BRIP1: variants seen among roughly 807,000 people sequenced by gnomAD.
BRIP1 encodes the protein Fanconi anemia group J protein.
In BRIP1, 88 loss-of-function variants were observed where a neutral mutation model predicts 119.7. The observed-to-expected ratio is 0.74, with a 90% CI of 0.62 to 0.88. The LOEUF (loss-of-function observed/expected upper bound fraction) is 0.88, where lower values mean the gene tolerates loss of function less well. BRIP1 is among the 40% of genes least tolerant of loss of function. The probability of loss-of-function intolerance (pLI) is 0.00; values close to 1 mark genes in which losing one functional copy is unlikely to be tolerated. For synonymous variants in BRIP1, 443 were observed against 496.5 expected (o/e 0.89, Z 1.43); for missense variants, 1,259 against 1,455.4 (o/e 0.87, Z 2.20).
intron 6 of BRIP1, among the ~76,000 whole-genome samples, chr17:61,821,636 C>A (rs1237675556): frequency 6.6e-6 from 1 of 151,866 alleles, no homozygotes; most frequent in South Asian, 2.1e-4. Flanking sequence ...TTTAAGCAAT[C>A]CTCCTGCCTC....
In BRIP1 at chr17:61,689,032, T is replaced by TGTTATGTTATGTTATGTTATGTTAC. The variant is rs2061405544; in HGVS notation, c.2576-2868_2576-2867insGTAACATAACATAACATAACATAAC. Among the ~76,000 whole-genome samples, 1 of 151,182 alleles carries TGTTATGTTATGTTATGTTATGTTAC rather than the reference T, an allele frequency of 6.6e-6. No individual in the cohort carries two copies. Among genetic ancestry groups the TGTTATGTTATGTTATGTTATGTTAC allele is most frequent in the South Asian group, 2.1e-4 (1 of 4,770 alleles). On this transcript the variant is annotated intron_variant, in intron 18 of 19. Coordinates refer to ENST00000259008, the MANE Select transcript of BRIP1 (RefSeq NM_032043.3). This position sits in a 1 kb window ranked among gnomAD's most constrained non-coding sequence, Gnocchi z 4.5. ...ATTTTATATATTTTATATTCTGTTATGTTATGTTATGTTATGTTATGTTAT... is the reference window on the plus strand; with the variant it reads ...ATTTTATATATTTTATATTCTGTTATGTTATGTTATGTTATGTTATGTTACGTTATGTTATGTTATGTTATGTTAT...
chr17:61,766,267 T>C (rs1187159632), intron 14 of BRIP1, among the ~76,000 whole-genome samples: 4 of 152,148 alleles, frequency 2.6e-5, no homozygotes, highest in African/African-American at 2.4e-5. Context: ...TAAATGTTTG[T>C]CAAATGAATA....
chr17:61,761,154 A>G lies in BRIP1; in HGVS notation c.2097+15247T>C, dbSNP rs911539581. ...ATTAATAGAATGAAGGACAAAAACC[A>G]TATGATCATCTCATTAGATGTAGAA... On this transcript the variant is annotated intron_variant, in intron 14 of 19. Coordinates refer to ENST00000259008, the MANE Select transcript of BRIP1 (RefSeq NM_032043.3). This position sits in a 1 kb window ranked among gnomAD's most constrained non-coding sequence, Gnocchi z 6.4. 3.3e-5 allele frequency among the ~76,000 whole-genome samples: 5 copies of G among 152,106 alleles called. No homozygotes were observed. Among genetic ancestry groups the G allele is most frequent in the Admixed American group, 6.6e-5 (1 of 15,252 alleles).
intron 5 of BRIP1, 98 bp from the exon 6 acceptor site, chr17:61,847,318 G>T: frequency 7.4e-7 from 1 of 1,347,536 alleles, no homozygotes; most frequent in Non-Finnish European, 1.0e-6. Flanking sequence ...TTTTTTTCCT[G>T]CATCCAAAAA....
chr17:61,804,723 A>C lies in BRIP1; in HGVS notation c.919-3249T>G, dbSNP rs1468932535. ...AATACATAATAATTTCCCCATATAT[A>C]TATATTCAAAATATTTTTGTCTAAT... On this transcript the variant is annotated intron_variant, in intron 7 of 19. Coordinates refer to ENST00000259008, the MANE Select transcript of BRIP1 (RefSeq NM_032043.3). This position sits in a 1 kb window ranked among gnomAD's most constrained non-coding sequence, Gnocchi z 4.5. Among the ~76,000 whole-genome samples the C allele has an allele frequency of 2.0e-5, 3 of 151,810 alleles. No homozygotes were observed. The highest frequency in any genetic ancestry group is 7.3e-5 in the African/African-American group (3 of 41,378).
At chr17:61,711,180 TG>T (rs1451333982) in intron 17 of BRIP1, among the ~76,000 whole-genome samples, 2 of 152,170 alleles carry the variant, frequency 1.3e-5, no homozygotes, top group Non-Finnish European at 2.9e-5. Flanking sequence ...GGAGAAGGTT[TG>T]TAAACGAGAA....
At chr17:61,783,409 GTTA>G (rs2077653402) in intron 11 of BRIP1, among the ~76,000 whole-genome samples, 1 of 152,082 alleles carries the variant, frequency 6.6e-6, no homozygotes, top group African/African-American at 2.4e-5. Context: ...GACTCTAGGG[GTTA>G]TTATTTCATG....
At position 61,765,966 on chromosome 17, in the gene BRIP1, T is replaced by C. The variant is rs528561310; in HGVS notation, c.2097+10435A>G. On this transcript the variant is annotated intron_variant, in intron 14 of 19. Coordinates refer to ENST00000259008, the MANE Select transcript of BRIP1 (RefSeq NM_032043.3). ...TAACATCCTCTTTCAGAGTAGCTCT[T>C]ATATCTATCTTCCTAACAGTTTAGC... is the stretch of plus-strand genomic sequence containing the variant. Among the ~76,000 whole-genome samples the C allele has an allele frequency of 3.9e-5, 6 of 152,190 alleles. No homozygotes were observed. In the Middle Eastern group the frequency reaches 0.014, roughly 345 times the overall value.
At position 61,683,196 on chromosome 17, in the gene BRIP1, A is replaced by T. The variant is rs1331622109; in HGVS notation, c.*100T>A. On this transcript the variant is annotated 3_prime_UTR_variant, in exon 20 of 20. Transcript: ENST00000259008. The surrounding 1 kb of genome is among the most constrained non-coding windows in gnomAD (Gnocchi z 4.7). ...ATTTCTGAACATAAAATAGTTTTTTAAAAAGTATGCCACTTATTCAATTTA... is the reference window on the plus strand; with the variant it reads ...ATTTCTGAACATAAAATAGTTTTTTTAAAAGTATGCCACTTATTCAATTTA... 3 of 1,351,730 alleles carry T rather than the reference A, an allele frequency of 2.2e-6. No individual in the cohort carries two copies. Among genetic ancestry groups the T allele is most frequent in the Non-Finnish European group, 3.1e-6 (3 of 975,536 alleles). The allele number at this position is 1,351,730 out of a possible 1,614,324, so 83.7% of individuals were successfully genotyped here. A position where few individuals can be genotyped will look rare whatever the true frequency, so the allele number is the denominator to read the frequency against.
rs2078962578 is a variant in BRIP1, at chr17:61,860,736, A to G, written c.93+711T>C. Among the ~76,000 whole-genome samples, 1 of 152,218 alleles carries G rather than the reference A, an allele frequency of 6.6e-6. No individual in the cohort carries two copies. The highest frequency in any genetic ancestry group is 1.5e-5 in the Non-Finnish European group (1 of 68,044). On this transcript the variant is annotated intron_variant, in intron 2 of 19. Coordinates refer to ENST00000259008, the MANE Select transcript of BRIP1 (RefSeq NM_032043.3). This position sits in a 1 kb window ranked among gnomAD's most constrained non-coding sequence, Gnocchi z 4.1. Reference sequence around the variant, plus strand: ...AAGAATGTAAACAACCTAAATGTCTACCAATAAGAAAATGGACAGATAAAT... The same window carrying G: ...AAGAATGTAAACAACCTAAATGTCTGCCAATAAGAAAATGGACAGATAAAT...
rs1567804655 is a variant in BRIP1 at position 61,772,185 on chromosome 17, ATATATATATATATATATATATAT to A, written c.2097+4193_2097+4215del. ...TATATATATATATATATATATATAT[ATATATATATATATATATATATAT>A]AAAATGAAATATTATTCTGCCATAA... On this transcript the variant is annotated intron_variant, in intron 14 of 19. Coordinates refer to ENST00000259008, the MANE Select transcript of BRIP1 (RefSeq NM_032043.3). Among the ~76,000 whole-genome samples, 30 of 83,362 alleles carry A rather than the reference ATATATATATATATATATATATAT, an allele frequency of 3.6e-4. 1 individual carries two copies. Among genetic ancestry groups the A allele is most frequent in the Non-Finnish European group, 8.0e-4 (28 of 34,924 alleles). 54.7% of individuals were successfully genotyped at this position (83,362 alleles called of 152,430 possible). A position where few individuals can be genotyped will look rare whatever the true frequency, so the allele number is the denominator to read the frequency against.
rs2078129831 is a variant in BRIP1, at chr17:61,809,520, A to G, written c.628-763T>C. Among the ~76,000 whole-genome samples, 1 of 152,108 alleles carries G rather than the reference A, an allele frequency of 6.6e-6. No individual in the cohort carries two copies. The highest frequency in any genetic ancestry group is 1.5e-5 in the Non-Finnish European group (1 of 67,998). The stretch of plus-strand genomic sequence containing the variant: ...TAAACAAACCATATGGAACATCAGG[A>G]ATATAGTCTACTTAATTTACCTGAT... On this transcript the variant is annotated intron_variant, in intron 6 of 19. Coordinates refer to ENST00000259008, the MANE Select transcript of BRIP1 (RefSeq NM_032043.3). This position sits in a 1 kb window ranked among gnomAD's most constrained non-coding sequence, Gnocchi z 5.2.
intron 6 of BRIP1, among the ~76,000 whole-genome samples, chr17:61,812,788 T>C (rs1417602581): frequency 6.6e-6 from 1 of 152,160 alleles, no homozygotes; most frequent in Non-Finnish European, 1.5e-5. Flanking sequence ...TCTTGTTGTA[T>C]TATATAGAGA....
Position 61,699,335 on chromosome 17 carries a change from A to G in BRIP1, c.2493-5823T>C, listed in dbSNP as rs886576278. ...ATACTCACTTTGCTATTTGCTTTCT[A>G]TATGCCTTACGTATTTTGTTCTTCT... is the stretch of plus-strand genomic sequence containing the variant. On this transcript the variant is annotated intron_variant, in intron 17 of 19. Coordinates refer to ENST00000259008, the MANE Select transcript of BRIP1 (RefSeq NM_032043.3). The surrounding 1 kb of genome is among the most constrained non-coding windows in gnomAD (Gnocchi z 4.8). 6.6e-6 allele frequency among the ~76,000 whole-genome samples: 1 copy of G among 152,186 alleles called. No homozygotes were observed. The highest frequency in any genetic ancestry group is 6.5e-5 in the Admixed American group (1 of 15,280).
chr17:61,698,378 G>C (rs747050980), intron 17 of BRIP1, among the ~76,000 whole-genome samples: 2 of 152,060 alleles, frequency 1.3e-5, no homozygotes, highest in Admixed American at 1.3e-4. Flanking sequence ...AACATTTATG[G>C]AACCTTATAT....
intron 6 of BRIP1, among the ~76,000 whole-genome samples, chr17:61,838,526 A>T (rs1017350591): frequency 8.0e-5 from 12 of 150,472 alleles, no homozygotes; most frequent in Admixed American, 4.0e-4. Flanking sequence ...CCTGGGCGAC[A>T]GAGCGAGACT....
At chr17:61,835,944 T>C (rs1603355908) in intron 6 of BRIP1, among the ~76,000 whole-genome samples, 1 of 152,158 alleles carries the variant, frequency 6.6e-6, no homozygotes, top group East Asian at 1.9e-4. Context: ...AATATCCTTA[T>C]AAATTTATAG....
At position 61,735,114 on chromosome 17, in the gene BRIP1, C is replaced by A. The variant is rs150651224; in HGVS notation, c.2379+7899G>T. On this transcript the variant is annotated intron_variant, in intron 16 of 19. Coordinates refer to ENST00000259008, the MANE Select transcript of BRIP1 (RefSeq NM_032043.3). This position sits in a 1 kb window ranked among gnomAD's most constrained non-coding sequence, Gnocchi z 4.4. ...AGCCATCTATGTAGGTCATTTAGAT[C>A]ATCATCTCTTTTCATAGGGAATAGG... Among the ~76,000 whole-genome samples, 1 of 152,210 alleles carries A rather than the reference C, an allele frequency of 6.6e-6. No homozygotes were observed. Among genetic ancestry groups the A allele is most frequent in the Non-Finnish European group, 1.5e-5 (1 of 68,004 alleles).
chr17:61,823,067 G>A lies in BRIP1; in HGVS notation c.628-14310C>T, dbSNP rs1425056817. On this transcript the variant is annotated intron_variant, in intron 6 of 19. Coordinates refer to ENST00000259008, the MANE Select transcript of BRIP1 (RefSeq NM_032043.3). The surrounding 1 kb of genome is among the most constrained non-coding windows in gnomAD (Gnocchi z 4.8). ...GTGCCTACTTCACTAAACCTCAAAA[G>A]CATCTTTCTTTAAAAGATTCATACA... Among the ~76,000 whole-genome samples, 6 of 152,150 alleles carry A rather than the reference G, an allele frequency of 3.9e-5. No homozygotes were observed.
Sources: allele counts gnomAD v4.1 joint callset (sites outside exome capture counted in the v4.1 genomes callset), GRCh38; gene constraint gnomAD v4.1.1; non-coding constraint Gnocchi (gnomAD v3.1); transcripts MANE v1.5; gene names NCBI Gene and HGNC (gene_info 2026-07-23, HGNC 2026-07-21).